The following IFRD2 variants were observed in gnomAD, a reference collection of about 807,000 sequenced individuals.
IFRD2 encodes the protein interferon-related developmental regulator 2.
In IFRD2, 35 loss-of-function variants were observed where a neutral mutation model predicts 49.2. The ratio of observed to expected loss-of-function variants is 0.71; its 90% CI spans 0.54 to 0.94. IFRD2 has a LOEUF of 0.94. Ranked by LOEUF, IFRD2 falls within the 40% of genes least tolerant of loss-of-function variation. The probability of loss-of-function intolerance (pLI) is 0.00; values close to 1 mark genes in which losing one functional copy is unlikely to be tolerated. For missense variants in IFRD2, 561 were observed against 591.6 expected, an observed-to-expected ratio of 0.95 and a Z score of 0.54; for synonymous variants, 275 against 239.7, an observed-to-expected ratio of 1.15 and a Z score of -1.36.
At chr3:50,291,173 C>A (rs1701666249) in intron 1 of IFRD2, among the ~76,000 whole-genome samples, 1 of 152,044 alleles carries the variant, frequency 6.6e-6, no homozygotes, top group Non-Finnish European at 1.5e-5. Flanking sequence ...ACACCACACC[C>A]AGCTAATTTT....
rs1701596108 is a variant in IFRD2, at chr3:50,288,275, G to C, written c.1249-4C>G. 6 of 1,613,492 alleles carry C rather than the reference G, an allele frequency of 3.7e-6. No individual in the cohort carries two copies. The highest frequency in any genetic ancestry group is 5.1e-6 in the Non-Finnish European group (6 of 1,179,578). On this transcript the variant is annotated splice_polypyrimidine_tract_variant and splice_region_variant and intron_variant, in intron 11 of 11. Transcript: ENST00000417626. ...AGGCAGCAGCATTGTACAGGTGCTAGAGTGGGGACAGAGAGTGACACCCTG... is the reference window on the plus strand; with the variant it reads ...AGGCAGCAGCATTGTACAGGTGCTACAGTGGGGACAGAGAGTGACACCCTG...
Position 50,292,329 on chromosome 3 carries a change from C to G in IFRD2, c.-55G>C, listed in dbSNP as rs1259468029. The G allele has an allele frequency of 5.1e-6, 8 of 1,566,438 alleles. No homozygotes were observed. The highest frequency in any genetic ancestry group is 6.0e-6 in the Non-Finnish European group (7 of 1,158,760). ...TCAGGGACCCGGTGGGTGTGGGCTC[C>G]AGGCCAACGAGACGCCGGCCGGTGC... is the stretch of plus-strand genomic sequence containing the variant. On this transcript the variant is annotated 5_prime_UTR_variant, in exon 1 of 12. Transcript: ENST00000417626.
intron 8 of IFRD2, 155 bp downstream of exon 8, chr3:50,289,100 G>C (rs587682013): frequency 1.7e-6 from 2 of 1,171,774 alleles, no homozygotes; most frequent in South Asian, 2.9e-5. Context: ...CACTGCTGAG[G>C]GCACCCATCA....
In IFRD2 at chr3:50,288,395, C is replaced by T; in HGVS notation, c.1248+14G>A. 1.2e-6 allele frequency: 2 copies of T among 1,610,216 alleles called. No individual in the cohort carries two copies. Among genetic ancestry groups the T allele is most frequent in the Non-Finnish European group, 1.7e-6 (2 of 1,178,116 alleles). ...GGGAATAGGGGGAAGAGAAAGGTGC[C>T]CAAGGGTGCAAACCTTCTCAAAGCG... On this transcript the variant is annotated intron_variant, in intron 11 of 11. Coordinates refer to ENST00000417626, the MANE Select transcript of IFRD2 (RefSeq NM_006764.5).
At chr3:50,292,186 A>T (rs1553709885) in intron 1 of IFRD2, 31 bp downstream of exon 1, 1 of 1,442,352 alleles carries the variant, frequency 6.9e-7, no homozygotes, top group Non-Finnish European at 9.1e-7. Context: ...CGCCGCTCAT[A>T]CAGCTGTCCC....
chr3:50,292,224 A>ACGG lies in IFRD2; in HGVS notation c.48_50dup (p.Arg17dup), dbSNP rs782769765. 34 of 1,482,672 alleles carry ACGG rather than the reference A, an allele frequency of 2.3e-5. No homozygotes were observed. Among genetic ancestry groups the ACGG allele is most frequent in the Non-Finnish European group, 3.0e-5 (34 of 1,119,266 alleles). 91.8% of individuals were successfully genotyped at this position (1,482,672 alleles called of 1,614,324 possible). The stretch of plus-strand genomic sequence containing the variant: ...GCCCCCCACCCCACTCACCTCCTCC[A>ACGG]CGGCGCTGACCACCCTTCCGGAGCG... On this transcript the variant is annotated inframe_insertion, in exon 1 of 12. Coordinates refer to ENST00000417626, the MANE Select transcript of IFRD2 (RefSeq NM_006764.5).
chr3:50,292,228 C>T lies in IFRD2; in HGVS notation c.47G>A (p.Arg16His), dbSNP rs369636527. Residue 16 changes from arginine (R) to histidine (H), a missense_variant, in exon 1 of 12, where the codon CGC becomes CAC. Arg to His is a conservative substitution (Grantham distance 29). Transcript: ENST00000417626. The part of the protein sequence containing the change: ...KGNTLRKGGQ[R>H]RGGGARSSAQ... ...CCCACCCCACTCACCTCCTCCACGG[C>T]GCTGACCACCCTTCCGGAGCGTGTT... 487 of 1,494,656 alleles carry T rather than the reference C, an allele frequency of 3.3e-4. 2 individuals are homozygous for T. In the Middle Eastern group the frequency reaches 7.9e-3, roughly 24 times the overall value. The allele number at this position is 1,494,656 out of a possible 1,614,324, so 92.6% of individuals were successfully genotyped here. A position where few individuals can be genotyped will look rare whatever the true frequency, so the allele number is the denominator to read the frequency against.
At chr3:50,292,150 C>G in intron 1 of IFRD2, 67 bp downstream of exon 1, 1 of 1,415,950 alleles carries the variant, frequency 7.1e-7, no homozygotes, top group Non-Finnish European at 9.2e-7. Flanking sequence ...CGAGAACAAC[C>G]AAGGGGATCC....
At chr3:50,288,558 GT>G (rs782068601) in intron 10 of IFRD2, 24 bp downstream of exon 10, 4 of 1,613,992 alleles carry the variant, frequency 2.5e-6, no homozygotes, top group South Asian at 1.1e-5. Context: ...CACACCAGAT[GT>G]CCCCTCCCTG....
Position 50,289,300 on chromosome 3 carries a change from G to A in IFRD2, c.840C>T (p.Ala280=), listed in dbSNP as rs1480385291. The A allele has an allele frequency of 5.6e-6, 9 of 1,597,720 alleles. No homozygotes were observed. Among genetic ancestry groups the A allele is most frequent in the East Asian group, 2.3e-5 (1 of 44,034 alleles). Residue 280 remains alanine, a synonymous_variant, in exon 8 of 12, where the codon GCC becomes GCT. Coordinates refer to ENST00000417626, the MANE Select transcript of IFRD2 (RefSeq NM_006764.5). ...SSESVNLRIA[A]GETIALLFEL... is the part of the protein sequence containing the mutation. The stretch of plus-strand genomic sequence containing the variant: ...CAAAGAGCAGTGCAATGGTTTCACC[G>A]GCAGCGATCCGCAGGTTCACACTTT...
chr3:50,292,300 G>A lies in IFRD2; in HGVS notation c.-26C>T, dbSNP rs782335840. 2.2e-5 allele frequency: 35 copies of A among 1,557,354 alleles called. No individual in the cohort carries two copies. Among genetic ancestry groups the A allele is most frequent in the Non-Finnish European group, 3.0e-5 (35 of 1,155,024 alleles). Reference sequence around the variant, plus strand: ...GCCGGGAACCGGGCGCGGGGGGCGCGGGGTCAGGGACCCGGTGGGTGTGGG... The same window carrying A: ...GCCGGGAACCGGGCGCGGGGGGCGCAGGGTCAGGGACCCGGTGGGTGTGGG... On this transcript the variant is annotated 5_prime_UTR_variant, in exon 1 of 12. Coordinates refer to ENST00000417626, the MANE Select transcript of IFRD2 (RefSeq NM_006764.5).
intron 1 of IFRD2, 28 bp downstream of exon 1, chr3:50,292,189 G>T: frequency 6.9e-7 from 1 of 1,445,878 alleles, no homozygotes; most frequent in East Asian, 2.6e-5. Context: ...CGCTCATACA[G>T]CTGTCCCGCG....
Position 50,289,516 on chromosome 3 carries a change from G to A in IFRD2, c.710C>T (p.Ala237Val). ...VPASLHGLLS[A>V]ALQAWALLLT... is the part of the protein sequence containing the mutation. ...CAGCAATGCCCAGGCCTGCAGGGCAGCAGAGAGCAGGCCGTGCAGGCTGGC... is the reference window on the plus strand; with the variant it reads ...CAGCAATGCCCAGGCCTGCAGGGCAACAGAGAGCAGGCCGTGCAGGCTGGC... Residue 237 changes from alanine to valine, a missense_variant, in exon 7 of 12, where the codon GCT becomes GTT. Physicochemically the swap from Ala to Val is moderately conservative, Grantham distance 64. Transcript: ENST00000417626. 6.3e-7 allele frequency: 1 copy of A among 1,584,624 alleles called. No homozygotes were observed. Among genetic ancestry groups the A allele is most frequent in the Non-Finnish European group, 8.6e-7 (1 of 1,165,694 alleles).
Position 50,289,572 on chromosome 3 carries a change from C to CA in IFRD2, c.653dup (p.Leu218PhefsTer34). ...CCACAGGACTTGTGGAGCTGCCCCCCAAGCCATAGAACCGGCTGAAAACAC... is the reference window on the plus strand; with the variant it reads ...CCACAGGACTTGTGGAGCTGCCCCCCAAAGCCATAGAACCGGCTGAAAACAC... On this transcript the variant is annotated frameshift_variant, in exon 7 of 12. Transcript: ENST00000417626. LOFTEE classifies it high-confidence loss of function. 6.3e-7 allele frequency: 1 copy of CA among 1,582,758 alleles called. No individual in the cohort carries two copies.
Position 50,290,552 on chromosome 3 carries a change from G to C in IFRD2, c.178+8C>G. 1.9e-6 allele frequency: 3 copies of C among 1,613,490 alleles called. No homozygotes were observed. The highest frequency in any genetic ancestry group is 2.5e-6 in the Non-Finnish European group (3 of 1,179,736). ...CCAAGCCCCTGTCAAACTTCCACCC[G>C]CTCTCACCAAGGCTGTCCTCTGCAG... On this transcript the variant is annotated splice_region_variant and intron_variant, in intron 2 of 11. Coordinates refer to ENST00000417626, the MANE Select transcript of IFRD2 (RefSeq NM_006764.5).
Position 50,292,357 on chromosome 3 carries a change from T to A in IFRD2, c.-83A>T, listed in dbSNP as rs1381667359. 1 of 1,570,276 alleles carries A rather than the reference T, an allele frequency of 6.4e-7. No individual in the cohort carries two copies. The highest frequency in any genetic ancestry group is 8.6e-7 in the Non-Finnish European group (1 of 1,162,630). ...GCCAACGAGACGCCGGCCGGTGCGC[T>A]GCGCTGAGACTTGGCCAGACGACGG... On this transcript the variant is annotated 5_prime_UTR_variant, in exon 1 of 12. Coordinates refer to ENST00000417626, the MANE Select transcript of IFRD2 (RefSeq NM_006764.5).
Position 50,289,757 on chromosome 3 carries a change from A to C in IFRD2, c.552T>G (p.Ala184=). Residue 184 remains alanine, a synonymous_variant, in exon 6 of 12, where the codon GCT becomes GCG. Coordinates refer to ENST00000417626, the MANE Select transcript of IFRD2 (RefSeq NM_006764.5). ...TASPAARLHC[A]SALGLGCYVA... ...CGTAGCAGCCCAGGCCAAGGGCAGA[A>C]GCACACTGTTGGGAGAAGGGCAATG... 6.2e-7 allele frequency: 1 copy of C among 1,601,896 alleles called. No individual in the cohort carries two copies. Among genetic ancestry groups the C allele is most frequent in the Non-Finnish European group, 8.5e-7 (1 of 1,174,416 alleles).
chr3:50,292,237 C>A lies in IFRD2; in HGVS notation c.38G>T (p.Gly13Val). 6.6e-7 allele frequency: 1 copy of A among 1,507,534 alleles called. No homozygotes were observed. The highest frequency in any genetic ancestry group is 8.8e-7 in the Non-Finnish European group (1 of 1,131,724). The allele number at this position is 1,507,534 out of a possible 1,614,324, so 93.4% of individuals were successfully genotyped here. A position where few individuals can be genotyped will look rare whatever the true frequency, so the allele number is the denominator to read the frequency against. The change falls in exon 1 of 12, where the codon GGT (glycine) becomes GTT (valine). Residue 13 changes from glycine (G) to valine (V), a missense_variant. Coordinates refer to ENST00000417626, the MANE Select transcript of IFRD2 (RefSeq NM_006764.5). The part of the protein sequence containing the change: ...RARKGNTLRK[G>V]GQRRGGGARS... ...CTCACCTCCTCCACGGCGCTGACCA[C>A]CCTTCCGGAGCGTGTTGCCCTTACG... is the stretch of plus-strand genomic sequence containing the variant.
rs1199422204 is a variant in IFRD2, at chr3:50,288,111, T to C, written c.*80A>G. On this transcript the variant is annotated 3_prime_UTR_variant, in exon 12 of 12. Transcript: ENST00000417626. ...AAAAAAATAAAGTGACAAATACTGGTGGAGACCAGTTGTTGCACTGTCTTC... is the reference window on the plus strand; with the variant it reads ...AAAAAAATAAAGTGACAAATACTGGCGGAGACCAGTTGTTGCACTGTCTTC... 6 of 1,211,694 alleles carry C rather than the reference T, an allele frequency of 5.0e-6. No homozygotes were observed. Among genetic ancestry groups the C allele is most frequent in the Non-Finnish European group, 7.2e-6 (6 of 833,090 alleles). The allele number at this position is 1,211,694 out of a possible 1,614,324, so 75.1% of individuals were successfully genotyped here.
Sources: gnomAD v4.1 joint callset for allele counts (sites outside exome capture counted in the v4.1 genomes callset) on GRCh38, gnomAD v4.1.1 for gene constraint, MANE v1.5 for transcripts, NCBI Gene and HGNC (gene_info 2026-07-23, HGNC 2026-07-21) for gene names.